KDM4C: variants seen among roughly 807,000 people sequenced by gnomAD.
The protein encoded by KDM4C is lysine demethylase 4C.
In KDM4C, 81 loss-of-function variants were observed where a neutral mutation model predicts 129.3. That is an observed-to-expected ratio of 0.63 (90% confidence interval 0.52 to 0.75). The LOEUF (loss-of-function observed/expected upper bound fraction) is 0.75, where lower values mean the gene tolerates loss of function less well. KDM4C is among the 30% of genes least tolerant of loss of function. The pLI is 0.00. For missense variants in KDM4C, 1,457 were observed against 1,304.0 expected (o/e 1.12, Z -1.81); for synonymous variants, 573 against 456.1 (o/e 1.26, Z -3.26).
At chr9:6,921,012 T>G (rs191485178) in intron 8 of KDM4C, among the ~76,000 whole-genome samples, 4 of 152,326 alleles carry the variant, frequency 2.6e-5, no homozygotes, top group African/African-American at 9.6e-5. Context: ...CTTTATTATT[T>G]TTTTAAATCG....
chr9:6,781,045 G>A (rs1317848109), intron 1 of KDM4C, among the ~76,000 whole-genome samples: 1 of 152,028 alleles, frequency 6.6e-6, no homozygotes, highest in Non-Finnish European at 1.5e-5. Context: ...AGCTGCTGTA[G>A]CCCCTCATGG....
chr9:7,052,894 A>AGAGAGAGAGAGAGCGAGAGAGAGC lies in KDM4C; in HGVS notation c.2424+3701_2424+3702insAGAGAGCGAGAGAGAGCGAGAGAG. On this transcript the variant is annotated intron_variant, in intron 17 of 21. Transcript: ENST00000381309. ...GAGAGAGAGAGAGAGAGAGAGAGAG[A>AGAGAGAGAGAGAGCGAGAGAGAGC]GAGAGAGCGAGCGAGTGCCCAAGGG... Among the ~76,000 whole-genome samples, 2 of 105,468 alleles carry AGAGAGAGAGAGAGCGAGAGAGAGC rather than the reference A, an allele frequency of 1.9e-5. 1 individual carries two copies. Among genetic ancestry groups the AGAGAGAGAGAGAGCGAGAGAGAGC allele is most frequent in the Non-Finnish European group, 4.1e-5 (2 of 49,280 alleles). The allele number at this position is 105,468 out of a possible 152,430, so 69.2% of individuals were successfully genotyped here.
chr9:7,005,593 C>A (rs1456188944), intron 12 of KDM4C, among the ~76,000 whole-genome samples: 3 of 152,050 alleles, frequency 2.0e-5, no homozygotes, highest in African/African-American at 7.3e-5. Flanking sequence ...TCAAGGCTTC[C>A]AAGAGGGTTT....
intron 15 of KDM4C, among the ~76,000 whole-genome samples, chr9:7,022,981 A>G (rs1825147559): frequency 6.6e-6 from 1 of 152,232 alleles, no homozygotes; most frequent in Non-Finnish European, 1.5e-5. Context: ...TCATCCTTGC[A>G]TTCCTGGGAT....
rs1329080513 is a variant in KDM4C, at chr9:6,980,934, A to G, written c.931A>G (p.Arg311Gly). ...CCCGGTTGTGTTTCAGTGCACTTGC[A>G]GGAAAGACATGGTGAAGATTTCAAT... Reference protein sequence around the residue: ...YGKVAKLCTCRKDMVKISMDI... With the variant: ...YGKVAKLCTCGKDMVKISMDI... Residue 311 changes from arginine to glycine, a missense_variant, in exon 9 of 22, where the codon AGG (arginine) becomes GGG (glycine). Arg to Gly is a moderately radical substitution (Grantham distance 125). Transcript: ENST00000381309. 1 of 1,613,578 alleles carries G rather than the reference A, an allele frequency of 6.2e-7. No individual in the cohort carries two copies. The highest frequency in any genetic ancestry group is 8.5e-7 in the Non-Finnish European group (1 of 1,179,696).
At chr9:6,779,680 C>T (rs1319694695) in intron 1 of KDM4C, among the ~76,000 whole-genome samples, 1 of 152,192 alleles carries the variant, frequency 6.6e-6, no homozygotes, top group Non-Finnish European at 1.5e-5. Flanking sequence ...CAACAGTGCT[C>T]TAACACCAGT....
intron 3 of KDM4C, among the ~76,000 whole-genome samples, chr9:6,813,058 C>G (rs1385536604): frequency 1.3e-5 from 2 of 151,932 alleles, no homozygotes; most frequent in South Asian, 2.1e-4. Context: ...GCTTGTAATC[C>G]CAGCTACTGG....
At chr9:7,003,739 T>C (rs1359990227) in intron 12 of KDM4C, among the ~76,000 whole-genome samples, 3 of 152,202 alleles carry the variant, frequency 2.0e-5, no homozygotes, top group Non-Finnish European at 4.4e-5. Flanking sequence ...AGTCCTGTAA[T>C]TTTTTTCTCT....
At chr9:7,043,857 T>G (rs1828983222) in intron 15 of KDM4C, among the ~76,000 whole-genome samples, 1 of 152,034 alleles carries the variant, frequency 6.6e-6, no homozygotes, top group Non-Finnish European at 1.5e-5. Context: ...ATACTTTACT[T>G]AGAAAGTCCC....
intron 19 of KDM4C, among the ~76,000 whole-genome samples, chr9:7,137,348 T>C (rs1328554165): frequency 1.3e-5 from 2 of 152,206 alleles, no homozygotes; most frequent in Non-Finnish European, 2.9e-5. Flanking sequence ...ATACAAAATA[T>C]AAACATTATG....
Position 6,814,682 on chromosome 9 carries a change from G to A in KDM4C, c.372G>A (p.Trp124Ter). The A allele has an allele frequency of 6.2e-7, 1 of 1,611,676 alleles. No homozygotes were observed. Among genetic ancestry groups the A allele is most frequent in the Non-Finnish European group, 8.5e-7 (1 of 1,178,846 alleles). Residue 124 changes from tryptophan to a stop codon, truncating the protein, a stop_gained, in exon 4 of 22, where the codon TGG becomes TGA. Transcript: ENST00000381309. LOFTEE classifies it high-confidence loss of function. ...LDYEDLERKYWKNLTFVAPIY... is the reference protein window; with the variant it reads ...LDYEDLERKY ...ACGAAGATTTGGAGCGCAAGTACTG[G>A]AAGAACTTAACTTTTGTGGCACCTA...
intron 17 of KDM4C, among the ~76,000 whole-genome samples, chr9:7,072,017 G>C (rs1198485432): frequency 6.6e-6 from 1 of 152,104 alleles, no homozygotes; most frequent in Non-Finnish European, 1.5e-5. Context: ...CACTTCACTA[G>C]AGGACATACA....
chr9:6,872,700 C>T (rs1842961505), intron 5 of KDM4C, among the ~76,000 whole-genome samples: 1 of 152,054 alleles, frequency 6.6e-6, no homozygotes, highest in East Asian at 1.9e-4. Flanking sequence ...CCTGGCTTTT[C>T]TTTTGCTTTC....
intron 12 of KDM4C, among the ~76,000 whole-genome samples, chr9:6,994,580 C>A (rs1332923090): frequency 6.6e-6 from 1 of 152,154 alleles, no homozygotes. Context: ...GTGAACATTT[C>A]CCTGCAATCA....
intron 1 of KDM4C, among the ~76,000 whole-genome samples, chr9:6,772,437 C>G (rs975829090): frequency 4.6e-5 from 7 of 152,176 alleles, no homozygotes; most frequent in Non-Finnish European, 1.0e-4. Context: ...TCTTGGCTCA[C>G]CGCAACCTCC....
At chr9:6,972,163 G>T (rs1482231812) in intron 8 of KDM4C, among the ~76,000 whole-genome samples, 1 of 151,950 alleles carries the variant, frequency 6.6e-6, no homozygotes, top group East Asian at 1.9e-4. Flanking sequence ...GAGAGTGAGA[G>T]ATCAAGAGAG....
chr9:7,111,058 G>A (rs542488673), intron 18 of KDM4C, among the ~76,000 whole-genome samples: 2 of 152,086 alleles, frequency 1.3e-5, no homozygotes, highest in Non-Finnish European at 2.9e-5. Flanking sequence ...TTCTCCATCC[G>A]ACTTCATTCT....
chr9:6,992,591 C>T lies in KDM4C; in HGVS notation c.1786+2067C>T, dbSNP rs186990895. On this transcript the variant is annotated intron_variant, in intron 12 of 21. Coordinates refer to ENST00000381309, the MANE Select transcript of KDM4C (RefSeq NM_015061.6). ...GTTGCCCGAAGTAAATTATTTACAT[C>T]ATTGGGAACTTGAATGTTACCTTAG... is the stretch of plus-strand genomic sequence containing the variant. Among the ~76,000 whole-genome samples, 5 of 152,264 alleles carry T rather than the reference C, an allele frequency of 3.3e-5. No homozygotes were observed. In the East Asian group the frequency reaches 5.8e-4, roughly 18 times the overall value.
At position 6,972,289 on chromosome 9, in the gene KDM4C, C is replaced by T. The variant is rs1415955043; in HGVS notation, c.922-8636C>T. On this transcript the variant is annotated intron_variant, in intron 8 of 21. Transcript: ENST00000381309. The stretch of plus-strand genomic sequence containing the variant: ...TATACACACATATGTATATAAATAT[C>T]TGTGTATGTGAAAATAGAAAAAGAA... 2.0e-5 allele frequency among the ~76,000 whole-genome samples: 3 copies of T among 151,374 alleles called. No homozygotes were observed. In the East Asian group the frequency reaches 5.8e-4, roughly 29 times the overall value.
Sources: gnomAD v4.1 joint callset for allele counts (sites outside exome capture counted in the v4.1 genomes callset) on GRCh38, gnomAD v4.1.1 for gene constraint, MANE v1.5 for transcripts, NCBI Gene and HGNC (gene_info 2026-07-23, HGNC 2026-07-21) for gene names.